Variants in GABRB1 observed in about 807,000 individuals in gnomAD.
The protein encoded by GABRB1 is gamma-aminobutyric acid receptor subunit beta-1.
GABRB1 carries 17 observed loss-of-function variants against 51.6 expected under a neutral mutation model. That is an observed-to-expected ratio of 0.33 (90% CI 0.23 to 0.49). The LOEUF is 0.49. Ranked by LOEUF, GABRB1 falls within the 20% of genes least tolerant of loss-of-function variation. The pLI is 0.99. For synonymous variants in GABRB1, 247 were observed against 218.9 expected (o/e 1.13, Z -1.14); for missense variants, 410 against 600.6 (o/e 0.68, Z 3.32).
At chr4:47,032,128 G>GCA (rs72109821) in intron 2 of GABRB1, 123 bp downstream of exon 2, 125,215 of 560,510 alleles carry the variant, frequency 0.22, 5,373 homozygotes, top group Middle Eastern at 0.29. Flanking sequence ...TATACCCTGG[G>GCA]CACACACACA....
chr4:47,040,615 A>G (rs1266567692), intron 3 of GABRB1, among the ~76,000 whole-genome samples: 2 of 152,130 alleles, frequency 1.3e-5, no homozygotes, highest in African/African-American at 2.4e-5. Flanking sequence ...ATTAGAGTAT[A>G]TTATAAGTAT....
intron 4 of GABRB1, among the ~76,000 whole-genome samples, chr4:47,266,059 A>G (rs1014193897): frequency 1.3e-5 from 2 of 152,062 alleles, no homozygotes; most frequent in Admixed American, 6.6e-5. Context: ...TTCTTCTACA[A>G]TTTTTATAGT....
intron 5 of GABRB1, among the ~76,000 whole-genome samples, chr4:47,388,101 G>A (rs4511973): frequency 3.3e-5 from 5 of 152,048 alleles, no homozygotes; most frequent in East Asian, 1.9e-4. Context: ...GGTCTTAAAC[G>A]GATTATTGGC....
intron 4 of GABRB1, among the ~76,000 whole-genome samples, chr4:47,203,698 C>A (rs904895377): frequency 6.6e-6 from 1 of 152,096 alleles, no homozygotes; most frequent in East Asian, 1.9e-4. Flanking sequence ...AGCATATCTT[C>A]CCTCAATGGT....
intron 1 of GABRB1, among the ~76,000 whole-genome samples, chr4:47,016,371 A>T (rs1445433207): frequency 1.3e-5 from 2 of 152,072 alleles, no homozygotes; most frequent in Non-Finnish European, 2.9e-5. Flanking sequence ...TGTCATTAAG[A>T]TTTTTCCGTC....
chr4:47,371,144 G>T (rs1727178260), intron 5 of GABRB1, among the ~76,000 whole-genome samples: 1 of 135,498 alleles, frequency 7.4e-6, no homozygotes, highest in South Asian at 2.2e-4. Flanking sequence ...ATGTCCATGT[G>T]TTCTCATCGT....
intron 3 of GABRB1, among the ~76,000 whole-genome samples, chr4:47,139,349 T>C (rs981406171): frequency 1.1e-4 from 16 of 151,992 alleles, no homozygotes; most frequent in Middle Eastern, 3.2e-3. Context: ...ATCATCTCAG[T>C]CCTTTTGCTT....
intron 4 of GABRB1, among the ~76,000 whole-genome samples, chr4:47,228,466 G>A (rs562685604): frequency 1.2e-4 from 18 of 152,102 alleles, no homozygotes; most frequent in East Asian, 3.9e-4. Context: ...TCTGTTTCTC[G>A]TTGGTGAGAA....
At chr4:47,338,042 C>T (rs1366853700) in intron 5 of GABRB1, among the ~76,000 whole-genome samples, 1 of 152,110 alleles carries the variant, frequency 6.6e-6, no homozygotes, top group Non-Finnish European at 1.5e-5. Flanking sequence ...TCACATTTGT[C>T]ATCACTGTGA....
At chr4:47,141,466 T>A (rs888829627) in intron 3 of GABRB1, among the ~76,000 whole-genome samples, 25 of 151,856 alleles carry the variant, frequency 1.6e-4, no homozygotes, top group African/African-American at 5.3e-4. Flanking sequence ...TGGCTAGGGG[T>A]GGGATCATTC....
intron 1 of GABRB1, among the ~76,000 whole-genome samples, chr4:47,019,690 TCTTCTTTCCTTCTTTC>T (rs1208648008): frequency 5.4e-4 from 64 of 117,618 alleles, no homozygotes; most frequent in Non-Finnish European, 1.0e-3. Flanking sequence ...CTTCTTTCCT[TCTTCTTTCCTTCTTTC>T]CTTCTTTCCT....
chr4:47,162,391 C>A (rs1718000185), intron 4 of GABRB1, among the ~76,000 whole-genome samples: 1 of 151,628 alleles, frequency 6.6e-6, no homozygotes, highest in South Asian at 2.1e-4. Flanking sequence ...TCAACCATGA[C>A]ATGTGTAAGT....
intron 3 of GABRB1, among the ~76,000 whole-genome samples, chr4:47,144,775 A>G (rs1717083803): frequency 1.3e-5 from 2 of 151,764 alleles, no homozygotes; most frequent in African/African-American, 4.8e-5. Context: ...TTTTAGGGAA[A>G]CCATCACAAC....
chr4:47,269,066 A>G (rs138494883), intron 4 of GABRB1, among the ~76,000 whole-genome samples: 1 of 152,270 alleles, frequency 6.6e-6, no homozygotes, highest in East Asian at 1.9e-4. Flanking sequence ...ATGGTCTCCA[A>G]AATCATTTAT....
intron 3 of GABRB1, among the ~76,000 whole-genome samples, chr4:47,042,511 A>G (rs1216055743): frequency 6.7e-6 from 1 of 148,884 alleles, no homozygotes; most frequent in Non-Finnish European, 1.5e-5. Flanking sequence ...GTCTGCTTTA[A>G]AAAATAATCA....
chr4:47,424,034 T>C (rs1729180705), intron 8 of GABRB1, among the ~76,000 whole-genome samples: 2 of 152,154 alleles, frequency 1.3e-5, no homozygotes, highest in South Asian at 2.1e-4. Flanking sequence ...CCAATTAGAC[T>C]GAAGCAAAAT....
intron 1 of GABRB1, among the ~76,000 whole-genome samples, chr4:47,024,499 A>G (rs1205820671): frequency 6.6e-6 from 1 of 152,014 alleles, no homozygotes; most frequent in Non-Finnish European, 1.5e-5. Context: ...CATGCGACCG[A>G]AGAAAATATT....
intron 5 of GABRB1, among the ~76,000 whole-genome samples, chr4:47,329,681 GT>G (rs1725396810): frequency 6.8e-6 from 1 of 147,918 alleles, no homozygotes; most frequent in Non-Finnish European, 1.5e-5. Flanking sequence ...AAATATATAT[GT>G]ATCTTATCTC....
At chr4:47,304,766 C>T (rs746099668) in intron 4 of GABRB1, among the ~76,000 whole-genome samples, 3 of 151,968 alleles carry the variant, frequency 2.0e-5, no homozygotes, top group Admixed American at 6.6e-5. Context: ...CATTTATCTT[C>T]CCCTGGATTT....
Sources: allele counts gnomAD v4.1 joint callset (sites outside exome capture counted in the v4.1 genomes callset), GRCh38; gene constraint gnomAD v4.1.1; transcripts MANE v1.5; gene names NCBI Gene and HGNC (gene_info 2026-07-23, HGNC 2026-07-21).